CLIC5: variants seen among roughly 807,000 people sequenced by gnomAD.
CLIC5 encodes the protein chloride intracellular channel protein 5.
CLIC5 carries 20 observed loss-of-function variants against 24.7 expected under a neutral mutation model. The observed-to-expected ratio is 0.81, with a 90% CI of 0.57 to 1.18. CLIC5 has a LOEUF of 1.18. CLIC5 is among the 50% of genes most tolerant of loss of function. The pLI is 0.00. For synonymous variants in CLIC5, 159 were observed against 135.6 expected, an observed-to-expected ratio of 1.17 and a Z score of -1.20; for missense variants, 341 against 326.1, an observed-to-expected ratio of 1.05 and a Z score of -0.35.
chr6:46,064,943 C>T (rs746981779), intron 1 of CLIC5, among the ~76,000 whole-genome samples: 19 of 131,962 alleles, frequency 1.4e-4, no homozygotes, highest in South Asian at 2.5e-4. Flanking sequence ...TGGGTTTCAC[C>T]GAAACAAAAA....
chr6:45,974,522 T>TATAGAGAG (rs1339415709), intron 1 of CLIC5, among the ~76,000 whole-genome samples: 1 of 66,006 alleles, frequency 1.5e-5, no homozygotes, highest in East Asian at 5.2e-4. Context: ...TATATATATA[T>TATAGAGAG]AGAGAGAGAG....
chr6:46,072,143 A>G lies in CLIC5; in HGVS notation c.540+7560T>C, dbSNP rs182401124. Among the ~76,000 whole-genome samples, 121 of 151,928 alleles carry G rather than the reference A, an allele frequency of 8.0e-4. 1 individual carries two copies. The highest frequency in any genetic ancestry group is 2.8e-3 in the African/African-American group (117 of 41,374). The stretch of plus-strand genomic sequence containing the variant: ...GAAAATAACTAATGGGAATAGGCTT[A>G]ATACCTGAGTGATGAAATAATCTGT... On this transcript the variant is annotated intron_variant, in intron 1 of 5. Transcript: ENST00000185206.
At chr6:46,083,573 A>G (rs943052799), upstream of CLIC5, among the ~76,000 whole-genome samples, 74 of 152,176 alleles carry the variant, frequency 4.9e-4, no homozygotes, top group African/African-American at 1.6e-3. Context: ...GTTTCCATGT[A>G]GTTGAGCAGT....
At chr6:45,998,990 ACT>A (rs539746295) in intron 1 of CLIC5, among the ~76,000 whole-genome samples, 35 of 152,208 alleles carry the variant, frequency 2.3e-4, no homozygotes, top group African/African-American at 7.9e-4. Context: ...TCACCCTGTG[ACT>A]CTTTACAGAG....
chr6:46,057,878 C>T (rs1326943331), intron 1 of CLIC5, among the ~76,000 whole-genome samples: 2 of 152,234 alleles, frequency 1.3e-5, no homozygotes, highest in Non-Finnish European at 2.9e-5. Context: ...TTATGAACTA[C>T]TTGTTGATCT....
chr6:46,059,146 A>G (rs989745455), intron 1 of CLIC5, among the ~76,000 whole-genome samples: 3 of 152,188 alleles, frequency 2.0e-5, no homozygotes, highest in African/African-American at 7.2e-5. Flanking sequence ...GCTTAAGCTT[A>G]CTAGAGTGGA....
At chr6:45,943,898 A>G (rs1462580783) in intron 3 of CLIC5, among the ~76,000 whole-genome samples, 2 of 152,212 alleles carry the variant, frequency 1.3e-5, no homozygotes, top group African/African-American at 4.8e-5. Flanking sequence ...CGTCTCTAAG[A>G]TGTTAATCTC....
At chr6:46,107,956 C>G in the CLIC5 span, among the ~76,000 whole-genome samples, 1 of 146,400 alleles carries the variant, frequency 6.8e-6, no homozygotes, top group Admixed American at 7.1e-5. Flanking sequence ...ATTGCTTGAA[C>G]CCAGGAGGCT....
At chr6:46,053,333 A>G (rs1768156121) in intron 1 of CLIC5, among the ~76,000 whole-genome samples, 2 of 152,216 alleles carry the variant, frequency 1.3e-5, no homozygotes, top group African/African-American at 4.8e-5. Flanking sequence ...TATAAAGAAA[A>G]CAGGAGAATA....
chr6:46,061,803 C>T (rs1762291436), intron 1 of CLIC5, among the ~76,000 whole-genome samples: 1 of 152,216 alleles, frequency 6.6e-6, no homozygotes, highest in Non-Finnish European at 1.5e-5. Context: ...GAATACTTTT[C>T]TCCAATGGTT....
chr6:46,050,192 C>T (rs955935570), intron 1 of CLIC5, among the ~76,000 whole-genome samples: 2 of 152,202 alleles, frequency 1.3e-5, no homozygotes, highest in Non-Finnish European at 2.9e-5. Context: ...GACCACATCC[C>T]TATGCAGAGC....
At chr6:46,034,838 G>T (rs1018801352) in intron 1 of CLIC5, among the ~76,000 whole-genome samples, 2 of 152,196 alleles carry the variant, frequency 1.3e-5, no homozygotes, top group African/African-American at 4.8e-5. Flanking sequence ...GTAGGGCACG[G>T]ACTCAAACTA....
intron 2 of CLIC5, among the ~76,000 whole-genome samples, chr6:45,953,148 C>T (rs1417888783): frequency 6.6e-6 from 1 of 152,110 alleles, no homozygotes; most frequent in East Asian, 1.9e-4. Flanking sequence ...TAGTTGGCAT[C>T]TTGGGCGAGT....
chr6:45,957,530 T>A (rs1224069395), intron 1 of CLIC5, among the ~76,000 whole-genome samples: 1 of 152,090 alleles, frequency 6.6e-6, no homozygotes, highest in Non-Finnish European at 1.5e-5. Context: ...CCCCAGGTGC[T>A]GGGGAGGGCT....
At chr6:45,997,514 A>G (rs201580827) in intron 1 of CLIC5, among the ~76,000 whole-genome samples, 2 of 66,712 alleles carry the variant, frequency 3.0e-5, no homozygotes, top group South Asian at 6.2e-4. Context: ...TAATAAAAGA[A>G]AAAAAAAAAA....
intron 6 of CLIC5, among the ~76,000 whole-genome samples, chr6:45,887,292 C>A (rs908175170): frequency 6.6e-6 from 1 of 152,182 alleles, no homozygotes; most frequent in Non-Finnish European, 1.5e-5. Context: ...TGGGGTTACA[C>A]TTTTCTAGTG....
At chr6:45,996,113 T>C (rs4714900) in intron 1 of CLIC5, among the ~76,000 whole-genome samples, 89,461 of 149,512 alleles carry the variant, frequency 0.6, 26,981 homozygotes, top group East Asian at 0.78. Flanking sequence ...CACATGTACC[T>C]CAGAACTAAA....
At chr6:46,065,051 A>G (rs889204094) in intron 1 of CLIC5, among the ~76,000 whole-genome samples, 1 of 152,218 alleles carries the variant, frequency 6.6e-6, no homozygotes, top group African/African-American at 2.4e-5. Flanking sequence ...TCTTGACTAT[A>G]TAAAGAGGTT....
chr6:46,026,424 A>G (rs1414043639), intron 1 of CLIC5, among the ~76,000 whole-genome samples: 5 of 152,162 alleles, frequency 3.3e-5, no homozygotes, highest in Admixed American at 3.3e-4. Context: ...TTTCTGTAGC[A>G]CTATAATAAG....
Sources: allele counts gnomAD v4.1 joint callset (sites outside exome capture counted in the v4.1 genomes callset), GRCh38; gene constraint gnomAD v4.1.1; transcripts MANE v1.5; gene names NCBI Gene and HGNC (gene_info 2026-07-23, HGNC 2026-07-21).